Variants in RERE observed in about 807,000 individuals in gnomAD.
The protein encoded by RERE is arginine-glutamic acid dipeptide repeats.
A neutral mutation model predicts 146.1 loss-of-function variants in RERE; 40 were observed. The observed-to-expected ratio is 0.27, with a 90% confidence interval of 0.21 to 0.36. The LOEUF (loss-of-function observed/expected upper bound fraction) is 0.36, where lower values mean the gene tolerates loss of function less well. Ranked by LOEUF, RERE falls within the 10% of genes least tolerant of loss-of-function variation. The pLI, the probability that RERE is intolerant of heterozygous loss-of-function variation, is 1.00. For synonymous variants in RERE, 1,003 were observed against 866.0 expected (o/e 1.16, Z -2.78); for missense variants, 1,933 against 2,138.7 (o/e 0.90, Z 1.90).
intron 1 of RERE, among the ~76,000 whole-genome samples, chr1:8,775,328 T>C (rs942634368): frequency 1.3e-5 from 2 of 152,126 alleles, no homozygotes; most frequent in African/African-American, 2.4e-5. Context: ...TCCCAACACT[T>C]TGGGAGGCCG....
At chr1:8,416,397 A>G (rs1221998029) in intron 12 of RERE, among the ~76,000 whole-genome samples, 1 of 152,060 alleles carries the variant, frequency 6.6e-6, no homozygotes, top group Non-Finnish European at 1.5e-5. Flanking sequence ...CATCCTGGTT[A>G]ACATGGTGAA....
intron 1 of RERE, among the ~76,000 whole-genome samples, chr1:8,812,754 A>T (rs541867336): frequency 9.2e-5 from 14 of 152,326 alleles, no homozygotes; most frequent in African/African-American, 3.4e-4. Flanking sequence ...ACAGACACAC[A>T]GTACATCTTA....
At chr1:8,549,517 GA>G (rs199558409) in intron 6 of RERE, among the ~76,000 whole-genome samples, 27 of 150,264 alleles carry the variant, frequency 1.8e-4, no homozygotes, top group Non-Finnish European at 2.5e-4. Flanking sequence ...TAGAAGAAAA[GA>G]AAAAAAAATG....
chr1:8,721,873 A>G (rs1020505967), intron 1 of RERE, among the ~76,000 whole-genome samples: 18 of 152,136 alleles, frequency 1.2e-4, no homozygotes, highest in African/African-American at 4.4e-4. Flanking sequence ...CTGTCTTGAC[A>G]GCAGTAACAC....
In RERE at chr1:8,423,815, C is replaced by A; in HGVS notation, c.1204-1008G>T. 1 of 530,658 alleles carries A rather than the reference C, an allele frequency of 1.9e-6. No homozygotes were observed. The highest frequency in any genetic ancestry group is 2.4e-6 in the Non-Finnish European group (1 of 417,236). The allele number at this position is 530,658 out of a possible 1,614,324, so 32.9% of individuals were successfully genotyped here. On this transcript the variant is annotated intron_variant, in intron 11 of 22. Coordinates refer to ENST00000400908, the MANE Select transcript of RERE (RefSeq NM_001042681.2). This position sits in a 1 kb window ranked among gnomAD's most constrained non-coding sequence, Gnocchi z 5.4. ...CGGCGCGCAGAGCCCGGCGCGGCCG[C>A]GGGCGGCTGCAAAAGGCGGCCTGGA...
intron 11 of RERE, among the ~76,000 whole-genome samples, chr1:8,443,386 C>CA (rs1267285801): frequency 7.2e-6 from 1 of 138,148 alleles, no homozygotes; most frequent in Non-Finnish European, 1.5e-5. Flanking sequence ...CACCTGAACC[C>CA]AAGAGGCAGA....
intron 11 of RERE, among the ~76,000 whole-genome samples, chr1:8,455,101 C>T (rs1373151317): frequency 6.6e-6 from 1 of 152,122 alleles, no homozygotes; most frequent in Non-Finnish European, 1.5e-5. Flanking sequence ...GGTGCCAGGA[C>T]GTCAGCAGCC....
intron 1 of RERE, among the ~76,000 whole-genome samples, chr1:8,774,951 C>CTTTCTTTTT (rs1641034952): frequency 1.0e-4 from 5 of 47,946 alleles, no homozygotes; most frequent in African/African-American, 2.9e-4. Context: ...TTCTTTCTTT[C>CTTTCTTTTT]TTTTTTTTTT....
chr1:8,406,457 C>T (rs537947864), intron 12 of RERE, among the ~76,000 whole-genome samples: 1 of 152,126 alleles, frequency 6.6e-6, no homozygotes, highest in South Asian at 2.1e-4. Flanking sequence ...GCAACAGGTC[C>T]GCAACTTACT....
At chr1:8,473,218 T>G (rs931499696) in intron 10 of RERE, among the ~76,000 whole-genome samples, 4 of 152,208 alleles carry the variant, frequency 2.6e-5, no homozygotes, top group African/African-American at 7.2e-5. Context: ...TTTCCCTATG[T>G]GGTGTCTAGC....
At chr1:8,783,499 G>A (rs753931935) in intron 1 of RERE, among the ~76,000 whole-genome samples, 1 of 152,102 alleles carries the variant, frequency 6.6e-6, no homozygotes, top group African/African-American at 2.4e-5. Flanking sequence ...TTTCTAGCCT[G>A]TTGTCCCAGT....
intron 2 of RERE, among the ~76,000 whole-genome samples, chr1:8,635,286 T>C (rs1647083848): frequency 6.6e-6 from 1 of 152,172 alleles, no homozygotes; most frequent in Non-Finnish European, 1.5e-5. Flanking sequence ...ATATACAATA[T>C]ACTCAGGATA....
intron 1 of RERE, among the ~76,000 whole-genome samples, chr1:8,667,620 T>A (rs905557901): frequency 6.6e-6 from 1 of 152,160 alleles, no homozygotes; most frequent in Non-Finnish European, 1.5e-5. Context: ...GAGGTTGCAG[T>A]GAGCCAAGAT....
At chr1:8,397,185 T>C (rs980075234) in intron 12 of RERE, among the ~76,000 whole-genome samples, 6 of 152,264 alleles carry the variant, frequency 3.9e-5, no homozygotes, top group African/African-American at 1.4e-4. Context: ...CTGTGTTCTT[T>C]GGGCAAGTCA....
chr1:8,596,338 C>G (rs1646554940), intron 4 of RERE, among the ~76,000 whole-genome samples: 1 of 152,182 alleles, frequency 6.6e-6, no homozygotes, highest in Non-Finnish European at 1.5e-5. Flanking sequence ...CACATGTAGT[C>G]TTAATTCATG....
chr1:8,402,090 A>G (rs1643282169), intron 12 of RERE, among the ~76,000 whole-genome samples: 1 of 152,112 alleles, frequency 6.6e-6, no homozygotes, highest in African/African-American at 2.4e-5. Flanking sequence ...GATGGTCTCA[A>G]TCTCTTGACC....
intron 7 of RERE, among the ~76,000 whole-genome samples, chr1:8,536,125 G>A (rs1463536900): frequency 1.4e-5 from 2 of 140,748 alleles, no homozygotes; most frequent in Non-Finnish European, 3.1e-5. Flanking sequence ...AAAAAAATCA[G>A]ATATTTTTCA....
chr1:8,366,058 G>A (rs1435540560), intron 12 of RERE, 84 bp from the exon 13 acceptor site: 2 of 1,393,346 alleles, frequency 1.4e-6, no homozygotes, highest in East Asian at 4.8e-5. Flanking sequence ...GTGGAAAGCT[G>A]GGTGTTTAAC....
At chr1:8,650,439 C>T (rs1006400634) in intron 2 of RERE, among the ~76,000 whole-genome samples, 4 of 152,086 alleles carry the variant, frequency 2.6e-5, no homozygotes, top group African/African-American at 7.2e-5. Flanking sequence ...TTAATTTGTG[C>T]TTTATATCCC....
Sources: gnomAD v4.1 joint callset for allele counts (sites outside exome capture counted in the v4.1 genomes callset) on GRCh38, gnomAD v4.1.1 for gene constraint, Gnocchi (gnomAD v3.1) non-coding constraint, MANE v1.5 for transcripts, NCBI Gene and HGNC (gene_info 2026-07-23, HGNC 2026-07-21) for gene names.